Variants in MAPRE2 observed in about 807,000 individuals in gnomAD.
The protein encoded by MAPRE2 is microtubule-associated protein RP/EB family member 2.
In MAPRE2, 13 loss-of-function variants were observed where a neutral mutation model predicts 43.2. The observed-to-expected ratio is 0.30, with a 90% confidence interval of 0.20 to 0.48. The LOEUF is 0.48. Ranked by LOEUF, MAPRE2 falls within the 20% of genes least tolerant of loss-of-function variation. MAPRE2 has a pLI of 0.99. For missense variants in MAPRE2, 161 were observed against 400.2 expected (o/e 0.40, Z 5.10); for synonymous variants, 135 against 148.8 (o/e 0.91, Z 0.68).
At chr18:35,101,677 A>G (rs1181073763) in intron 3 of MAPRE2, among the ~76,000 whole-genome samples, 2 of 152,158 alleles carry the variant, frequency 1.3e-5, no homozygotes, top group East Asian at 3.9e-4. Context: ...ACTTAGCATA[A>G]TGATCTCCAG....
chr18:35,102,045 G>A lies in MAPRE2; in HGVS notation c.496G>A (p.Glu166Lys). The change falls in exon 4 of 7, where the codon GAG becomes AAG. Residue 166 changes from glutamate (E) to lysine (K), a missense_variant. Around this residue, in one of 2 missense-constraint regions of MAPRE2, gnomAD observed 65 missense variants for 246.9 expected, o/e 0.26. Coordinates refer to ENST00000300249, the MANE Select transcript of MAPRE2 (RefSeq NM_014268.4). ...CTATGATGCTAACTACGATGGGAAG[G>A]AGTATGATCCTGTAGAGGCACGACA... Reference protein sequence around the residue: ...KFYDANYDGKEYDPVEARQGQ... With the variant: ...KFYDANYDGKKYDPVEARQGQ... 1 of 1,613,358 alleles carries A rather than the reference G, an allele frequency of 6.2e-7. No individual in the cohort carries two copies. The highest frequency in any genetic ancestry group is 8.5e-7 in the Non-Finnish European group (1 of 1,179,644).
At chr18:35,102,354 A>C (rs368809101) in intron 4 of MAPRE2, among the ~76,000 whole-genome samples, 195 bp downstream of exon 4, 11 of 152,188 alleles carry the variant, frequency 7.2e-5, no homozygotes, top group African/African-American at 2.7e-4. Context: ...AACCATCTTC[A>C]TTTAAACTAT....
chr18:35,133,423 T>C (rs1443153185), intron 6 of MAPRE2, among the ~76,000 whole-genome samples: 2 of 152,144 alleles, frequency 1.3e-5, no homozygotes, highest in African/African-American at 4.8e-5. Context: ...TGATTTGTAG[T>C]ATGTCTGCAG....
intron 2 of MAPRE2, among the ~76,000 whole-genome samples, chr18:35,035,368 G>T (rs529879544): frequency 1.4e-4 from 21 of 151,490 alleles, no homozygotes; most frequent in Admixed American, 1.3e-4. Context: ...GTTGTGGGGT[G>T]GGGGGAGAGG....
At chr18:35,051,491 T>TA (rs549201329) in intron 1 of MAPRE2, among the ~76,000 whole-genome samples, 21 of 152,242 alleles carry the variant, frequency 1.4e-4, no homozygotes, top group Non-Finnish European at 2.9e-4. Context: ...TGTCAGCATG[T>TA]ACCTATTTCC....
chr18:35,119,845 T>G (rs1021351729), intron 4 of MAPRE2, among the ~76,000 whole-genome samples: 1 of 152,244 alleles, frequency 6.6e-6, no homozygotes, highest in African/African-American at 2.4e-5. Flanking sequence ...TTTCTTAGTA[T>G]TTCAGCTGTT....
intron 2 of MAPRE2, among the ~76,000 whole-genome samples, chr18:35,095,349 CA>C (rs1367283284): frequency 6.9e-6 from 1 of 144,116 alleles, no homozygotes; most frequent in African/African-American, 2.6e-5. Flanking sequence ...AACAGGATCA[CA>C]TTTTTAAGAA....
At chr18:34,986,371 A>T (rs1479893561) in intron 1 of MAPRE2, among the ~76,000 whole-genome samples, 1 of 152,166 alleles carries the variant, frequency 6.6e-6, no homozygotes, top group African/African-American at 2.4e-5. Context: ...CTTACCAAGA[A>T]ACTACTATCT....
intron 1 of MAPRE2, chr18:34,984,467 A>G (rs995758723): frequency 2.1e-5 from 2 of 96,266 alleles, no homozygotes; most frequent in African/African-American, 3.1e-5. Flanking sequence ...ACACATTATA[A>G]TTAACGTAAG....
chr18:35,022,735 CATA>C (rs1313049228), intron 2 of MAPRE2, among the ~76,000 whole-genome samples: 2 of 152,084 alleles, frequency 1.3e-5, no homozygotes, highest in African/African-American at 4.8e-5. Context: ...AGTCACAGAA[CATA>C]ATGTAGATGC....
intron 2 of MAPRE2, among the ~76,000 whole-genome samples, chr18:35,080,485 G>C (rs1907579556): frequency 6.6e-6 from 1 of 152,200 alleles, no homozygotes; most frequent in African/African-American, 2.4e-5. Flanking sequence ...CGTCCAGCCT[G>C]TCTTGCCATC....
chr18:35,041,924 T>C (rs1194360112), intron 1 of MAPRE2, among the ~76,000 whole-genome samples: 1 of 152,168 alleles, frequency 6.6e-6, no homozygotes, highest in Non-Finnish European at 1.5e-5. Context: ...TCCACACTGA[T>C]AAAAATGCAT....
intron 2 of MAPRE2, among the ~76,000 whole-genome samples, chr18:35,011,466 GGACA>G (rs796512052): frequency 9.2e-5 from 14 of 152,284 alleles, no homozygotes; most frequent in African/African-American, 3.1e-4. Context: ...AGGTAGGGCT[GGACA>G]GACAGACAGA....
intron 2 of MAPRE2, 28 bp from the exon 3 acceptor site, chr18:35,097,418 C>T (rs1049102765): frequency 3.7e-6 from 6 of 1,609,848 alleles, no homozygotes; most frequent in Non-Finnish European, 5.1e-6. Context: ...GTGAGACTCA[C>T]TCCAGTACTG....
chr18:35,031,840 C>A (rs1298524439), intron 2 of MAPRE2, among the ~76,000 whole-genome samples: 2 of 152,146 alleles, frequency 1.3e-5, no homozygotes, highest in Non-Finnish European at 2.9e-5. Flanking sequence ...TTTGAAGAGG[C>A]TTTCTTCATC....
intron 1 of MAPRE2, among the ~76,000 whole-genome samples, chr18:34,993,489 T>G (rs1481610608): frequency 6.6e-6 from 1 of 152,138 alleles, no homozygotes; most frequent in Non-Finnish European, 1.5e-5. Flanking sequence ...GTGAACCAAC[T>G]ATAACAACCT....
At chr18:35,051,469 A>G (rs1473691398) in intron 1 of MAPRE2, among the ~76,000 whole-genome samples, 1 of 152,228 alleles carries the variant, frequency 6.6e-6, no homozygotes, top group Admixed American at 6.5e-5. Flanking sequence ...TGTCATAACA[A>G]TGACTTTAAG....
chr18:35,038,143 C>T (rs2097051638), upstream of MAPRE2, among the ~76,000 whole-genome samples: 1 of 152,110 alleles, frequency 6.6e-6, no homozygotes, highest in Non-Finnish European at 1.5e-5. Flanking sequence ...ATCCTGTGGA[C>T]CCACTTAAAT....
intron 1 of MAPRE2, chr18:34,978,665 T>A: frequency 1.2e-6 from 1 of 847,690 alleles, no homozygotes; most frequent in Non-Finnish European, 1.9e-6. Flanking sequence ...ATGAAATGCT[T>A]CCTTACTTTG....
Sources: gnomAD v4.1 joint callset for allele counts (sites outside exome capture counted in the v4.1 genomes callset) on GRCh38, gnomAD v4.1.1 for gene constraint, gnomAD v4.1.1 regional missense constraint, MANE v1.5 for transcripts, NCBI Gene and HGNC (gene_info 2026-07-23, HGNC 2026-07-21) for gene names.